Variants in TUT7 observed in about 807,000 individuals in gnomAD.
TUT7 encodes the protein terminal uridylyltransferase 7.
In TUT7, 33 loss-of-function variants were observed where a neutral mutation model predicts 165.9. The observed-to-expected ratio is 0.20, with a 90% CI of 0.15 to 0.27. The LOEUF is 0.27. Among genes scored for constraint, TUT7 ranks in the 10% least tolerant of loss-of-function variants. TUT7 has a pLI of 1.00. For missense variants in TUT7, 1,338 were observed against 1,762.3 expected, an observed-to-expected ratio of 0.76 and a Z score of 4.31; for synonymous variants, 552 against 608.1, an observed-to-expected ratio of 0.91 and a Z score of 1.36.
Position 86,323,713 on chromosome 9 carries a change from A to G in TUT7, c.2037T>C (p.Gly679=). ...DKLKNSVLAQ[G]PGATSSAANT... ...TTGCAGCTGAACTGGTAGCACCAGG[A>G]CCTTGGGCCAAAACTGAGTTTTTGA... The change falls in exon 13 of 27, where the codon GGT becomes GGC. Residue 679 remains glycine (G), a synonymous_variant. Coordinates refer to ENST00000375963, the MANE Select transcript of TUT7 (RefSeq NM_024617.4). 3 of 1,613,866 alleles carry G rather than the reference A, an allele frequency of 1.9e-6. No homozygotes were observed. The highest frequency in any genetic ancestry group is 2.5e-6 in the Non-Finnish European group (3 of 1,179,738).
At chr9:86,309,175 A>G in intron 21 of TUT7, 37 bp downstream of exon 21, 3 of 1,356,404 alleles carry the variant, frequency 2.2e-6, no homozygotes, top group Non-Finnish European at 3.1e-6. Context: ...ATTTTTAGTC[A>G]AGGATATAGG....
chr9:86,317,387 A>C (rs1828818184), intron 16 of TUT7, 111 bp from the exon 17 acceptor site: 1 of 935,574 alleles, frequency 1.1e-6, no homozygotes, highest in Admixed American at 2.3e-5. Context: ...AAGTCAGTCT[A>C]TATCTATTTT....
At position 86,287,768 on chromosome 9, in the gene TUT7, T is replaced by A. The variant is rs1339600976; in HGVS notation, c.*909A>T. The A allele has an allele frequency of 6.6e-6, 1 of 151,988 alleles. No homozygotes were observed. The highest frequency in any genetic ancestry group is 2.4e-5 in the African/African-American group (1 of 41,368). 9.4% of individuals were successfully genotyped at this position (151,988 alleles called of 1,614,324 possible). ...AAATTCTGATTTTATTTCAAAATGATAAATAAACCGAGGCATAGTTCTGAC... is the reference window on the plus strand; with the variant it reads ...AAATTCTGATTTTATTTCAAAATGAAAAATAAACCGAGGCATAGTTCTGAC... On this transcript the variant is annotated 3_prime_UTR_variant, in exon 27 of 27. Transcript: ENST00000375963.
At chr9:86,334,305 C>T (rs2131522524) in intron 10 of TUT7, among the ~76,000 whole-genome samples, 1 of 152,306 alleles carries the variant, frequency 6.6e-6, no homozygotes, top group East Asian at 1.9e-4. Flanking sequence ...AGATTTTTCT[C>T]AGGTCTTTAC....
intron 5 of TUT7, among the ~76,000 whole-genome samples, chr9:86,344,162 C>T (rs998543317): frequency 6.6e-5 from 10 of 152,132 alleles, no homozygotes; most frequent in African/African-American, 2.4e-4. Flanking sequence ...AATAATGATT[C>T]CAACCCTAGC....
At chr9:86,327,899 T>C (rs1175422791) in intron 11 of TUT7, among the ~76,000 whole-genome samples, 1 of 152,222 alleles carries the variant, frequency 6.6e-6, no homozygotes, top group African/African-American at 2.4e-5. Flanking sequence ...CAGAGATTTT[T>C]GTTTGAAATT....
intron 13 of TUT7, 38 bp downstream of exon 13, chr9:86,322,835 A>G: frequency 1.3e-6 from 2 of 1,528,684 alleles, no homozygotes; most frequent in Non-Finnish European, 1.7e-6. Context: ...AAGTCCTTAA[A>G]GTCTCCTAGT....
At chr9:86,337,290 CA>C (rs1830878247) in intron 10 of TUT7, 128 bp downstream of exon 10, 2 of 1,044,350 alleles carry the variant, frequency 1.9e-6, no homozygotes, top group African/African-American at 1.6e-5. Context: ...TATGAATATT[CA>C]CATGAGTAGA....
At position 86,345,792 on chromosome 9, in the gene TUT7, T is replaced by C; in HGVS notation, c.703-7A>G. On this transcript the variant is annotated splice_region_variant and splice_polypyrimidine_tract_variant and intron_variant, in intron 3 of 26. Transcript: ENST00000375963. ...TAGGGTAGTTTCGTGGTCGCTATAA[T>C]TTGAAGAGATTTATTTAGAGAGAGA... 1 of 1,572,646 alleles carries C rather than the reference T, an allele frequency of 6.4e-7. No individual in the cohort carries two copies. The highest frequency in any genetic ancestry group is 8.7e-7 in the Non-Finnish European group (1 of 1,147,262).
intron 14 of TUT7, among the ~76,000 whole-genome samples, chr9:86,322,100 T>A (rs1379234348): frequency 6.6e-6 from 1 of 151,996 alleles, no homozygotes; most frequent in African/African-American, 2.4e-5. Context: ...AATTTTTTTT[T>A]AAATAAAAAA....
Position 86,332,428 on chromosome 9 carries a change from T to A in TUT7, c.1456-3936A>T, listed in dbSNP as rs921442823. 2.0e-5 allele frequency among the ~76,000 whole-genome samples: 3 copies of A among 152,110 alleles called. No homozygotes were observed. In the East Asian group the frequency reaches 5.8e-4, roughly 29 times the overall value. On this transcript the variant is annotated intron_variant, in intron 10 of 26. Transcript: ENST00000375963. ...CTGGAGGCCATTATCCTTAGCAAAC[T>A]AACGTAGGAACAGAAAATCAAATAC...
chr9:86,350,847 T>C (rs904869443), intron 2 of TUT7, among the ~76,000 whole-genome samples: 2 of 152,180 alleles, frequency 1.3e-5, no homozygotes, highest in African/African-American at 4.8e-5. Context: ...TAAAAATATC[T>C]GAGGGCCAGG....
chr9:86,309,641 G>T, intron 19 of TUT7, 65 bp from the exon 20 acceptor site: 3 of 1,312,240 alleles, frequency 2.3e-6, no homozygotes, highest in Non-Finnish European at 3.2e-6. Flanking sequence ...CATCCATTCT[G>T]TTATCACTAA....
chr9:86,314,299 A>G (rs903943639), intron 17 of TUT7, among the ~76,000 whole-genome samples: 1 of 152,170 alleles, frequency 6.6e-6, no homozygotes, highest in Non-Finnish European at 1.5e-5. Flanking sequence ...TATTCACAGC[A>G]TATCTTCCCA....
At chr9:86,335,924 C>CT (rs1830729829) in intron 10 of TUT7, among the ~76,000 whole-genome samples, 1 of 152,142 alleles carries the variant, frequency 6.6e-6, no homozygotes, top group Non-Finnish European at 1.5e-5. Flanking sequence ...TTCAGTATCA[C>CT]TTTAGAGAGT....
intron 2 of TUT7, among the ~76,000 whole-genome samples, chr9:86,351,048 C>A (rs573190916): frequency 1.3e-5 from 2 of 151,448 alleles, no homozygotes; most frequent in African/African-American, 2.4e-5. Flanking sequence ...ACATGAGAAC[C>A]GCTTGATCCT....
At chr9:86,353,720 C>A (rs1045217640) in intron 1 of TUT7, among the ~76,000 whole-genome samples, 3 of 152,084 alleles carry the variant, frequency 2.0e-5, no homozygotes, top group African/African-American at 7.2e-5. Flanking sequence ...ATTTTCCGTC[C>A]CTTCACCACC....
intron 10 of TUT7, among the ~76,000 whole-genome samples, chr9:86,333,392 C>G (rs765091467): frequency 1.3e-5 from 2 of 152,206 alleles, no homozygotes; most frequent in Non-Finnish European, 2.9e-5. Context: ...CCTTGACTAA[C>G]TGACCCAGTT....
At chr9:86,330,250 T>C (rs950417711) in intron 10 of TUT7, among the ~76,000 whole-genome samples, 2 of 151,988 alleles carry the variant, frequency 1.3e-5, no homozygotes, top group Non-Finnish European at 2.9e-5. Context: ...TTAGTAGAGA[T>C]GGAGTTTCAC....
Sources: gnomAD v4.1 joint callset for allele counts (sites outside exome capture counted in the v4.1 genomes callset) on GRCh38, gnomAD v4.1.1 for gene constraint, MANE v1.5 for transcripts, NCBI Gene and HGNC (gene_info 2026-07-23, HGNC 2026-07-21) for gene names.